The following ADGRL3 variants were observed in gnomAD, a reference collection of about 807,000 sequenced individuals.
ADGRL3 encodes calcium-independent alpha-latrotoxin receptor 3.
ADGRL3 carries 62 observed loss-of-function variants against 153.5 expected under a neutral mutation model. The observed-to-expected ratio is 0.40, with a 90% confidence interval of 0.33 to 0.50. The LOEUF is 0.50. ADGRL3 is among the 20% of genes least tolerant of loss of function. ADGRL3 has a pLI of 0.47. For synonymous variants in ADGRL3, 710 were observed against 672.5 expected (o/e 1.06, Z -0.86); for missense variants, 1,641 against 1,859.4 (o/e 0.88, Z 2.16).
At chr4:62,040,317 A>G (rs1055020533) in intron 24 of ADGRL3, among the ~76,000 whole-genome samples, 12 of 151,956 alleles carry the variant, frequency 7.9e-5, no homozygotes, top group Non-Finnish European at 1.6e-4. Flanking sequence ...GTAATTTGTA[A>G]TATCACAATT....
At chr4:61,826,777 G>T (rs1322030203) in intron 9 of ADGRL3, among the ~76,000 whole-genome samples, 2 of 151,892 alleles carry the variant, frequency 1.3e-5, no homozygotes, top group Admixed American at 6.6e-5. Flanking sequence ...CAGGGTTGGG[G>T]GAGAGGGGAG....
intron 2 of ADGRL3, among the ~76,000 whole-genome samples, chr4:61,406,616 C>T (rs7688582): frequency 0.031 from 4,692 of 151,286 alleles, 225 homozygotes; most frequent in East Asian, 0.21. Context: ...AACTTTTTTC[C>T]TTTTATTTAT....
intron 3 of ADGRL3, among the ~76,000 whole-genome samples, chr4:61,515,437 T>TG (rs2098487283): frequency 3.2e-5 from 2 of 62,402 alleles, no homozygotes; most frequent in South Asian, 1.4e-3. Context: ...ATTTATATGG[T>TG]ATTTTTTCTC....
At chr4:62,031,386 G>A in intron 22 of ADGRL3, 56 bp from the exon 23 acceptor site, 1 of 1,400,612 alleles carries the variant, frequency 7.1e-7, no homozygotes, top group South Asian at 1.4e-5. Flanking sequence ...ATCTGATATG[G>A]TTGTTAATTA....
chr4:62,053,243 G>A (rs1735154129), intron 25 of ADGRL3, among the ~76,000 whole-genome samples: 1 of 151,414 alleles, frequency 6.6e-6, no homozygotes, highest in South Asian at 2.1e-4. Flanking sequence ...TATATGTTTA[G>A]CAAAGAGAAA....
At chr4:61,825,099 A>C (rs1039132309) in intron 9 of ADGRL3, among the ~76,000 whole-genome samples, 2 of 152,132 alleles carry the variant, frequency 1.3e-5, no homozygotes, top group African/African-American at 4.8e-5. Context: ...TCCAGCAATT[A>C]TTTCCATTTT....
chr4:61,798,999 G>GTA (rs34782885), intron 8 of ADGRL3, among the ~76,000 whole-genome samples: 7,758 of 80,064 alleles, frequency 0.097, 674 homozygotes, highest in Non-Finnish European at 0.13. Flanking sequence ...TATATAAACA[G>GTA]TATATATATA....
At chr4:61,950,161 T>C (rs1392818688) in intron 17 of ADGRL3, among the ~76,000 whole-genome samples, 3 of 152,198 alleles carry the variant, frequency 2.0e-5, no homozygotes, top group African/African-American at 7.2e-5. Flanking sequence ...TTTTTAACCA[T>C]ACTGTTCAGT....
In ADGRL3 at chr4:61,819,864, C is replaced by A. The variant is rs563471356; in HGVS notation, c.1480+5975C>A. Among the ~76,000 whole-genome samples, 145 of 152,122 alleles carry A rather than the reference C, an allele frequency of 9.5e-4. 1 individual carries two copies. The highest frequency in any genetic ancestry group is 3.4e-4 in the Non-Finnish European group (23 of 67,938). ...GAGACAATAAAGTAATTATTGGTAA[C>A]TTTGAAACTGAGTTTTAAAACTCTA... On this transcript the variant is annotated intron_variant, in intron 9 of 26. Coordinates refer to ENST00000683033, the MANE Select transcript of ADGRL3 (RefSeq NM_001387552.1).
chr4:61,675,764 T>G (rs559679259), intron 5 of ADGRL3, among the ~76,000 whole-genome samples: 1 of 151,992 alleles, frequency 6.6e-6, no homozygotes, highest in Non-Finnish European at 1.5e-5. Context: ...TCAGGGTAAA[T>G]GGGATATTCA....
At chr4:61,393,481 AT>A (rs1020090515) in intron 2 of ADGRL3, among the ~76,000 whole-genome samples, 57 of 152,080 alleles carry the variant, frequency 3.7e-4, no homozygotes, top group African/African-American at 1.3e-3. Flanking sequence ...TCATTTCCTC[AT>A]TTTTTTAGTA....
At chr4:61,707,785 C>T (rs917097829) in intron 6 of ADGRL3, among the ~76,000 whole-genome samples, 1 of 152,092 alleles carries the variant, frequency 6.6e-6, no homozygotes, top group Non-Finnish European at 1.5e-5. Context: ...CATGCTTCCA[C>T]GATATGTAAG....
intron 5 of ADGRL3, among the ~76,000 whole-genome samples, chr4:61,606,454 C>CA (rs2099032784): frequency 6.6e-6 from 1 of 152,146 alleles, no homozygotes; most frequent in Non-Finnish European, 1.5e-5. Flanking sequence ...AAGGTATTGT[C>CA]AAGGCCTTTC....
chr4:61,260,617 A>G (rs966537425), intron 1 of ADGRL3, among the ~76,000 whole-genome samples: 3 of 152,262 alleles, frequency 2.0e-5, no homozygotes, highest in Admixed American at 6.5e-5. Context: ...AGCAGAATGC[A>G]TGGCATAGAA....
chr4:61,956,673 TTA>T (rs1387580537), intron 17 of ADGRL3, among the ~76,000 whole-genome samples: 2 of 152,184 alleles, frequency 1.3e-5, no homozygotes, highest in Non-Finnish European at 2.9e-5. Context: ...GTTTTGGGTT[TTA>T]TGTTTAAGTC....
At chr4:61,840,516 A>G (rs2098013917) in intron 9 of ADGRL3, among the ~76,000 whole-genome samples, 1 of 152,194 alleles carries the variant, frequency 6.6e-6, no homozygotes, top group African/African-American at 2.4e-5. Context: ...TAAGCCTGAG[A>G]GCATCTCCTT....
intron 8 of ADGRL3, among the ~76,000 whole-genome samples, chr4:61,808,920 G>A (rs13121462): frequency 1.1e-4 from 16 of 151,704 alleles, no homozygotes; most frequent in Admixed American, 4.6e-4. Context: ...TATTATTGTA[G>A]TAGAGCAGAG....
intron 17 of ADGRL3, among the ~76,000 whole-genome samples, chr4:61,951,388 G>C (rs904483726): frequency 1.1e-4 from 16 of 152,114 alleles, no homozygotes; most frequent in Non-Finnish European, 1.9e-4. Context: ...GGAGGCTCAG[G>C]GTTGGGGGCT....
At chr4:61,806,332 T>A in intron 8 of ADGRL3, among the ~76,000 whole-genome samples, 1 of 152,028 alleles carries the variant, frequency 6.6e-6, no homozygotes, top group East Asian at 1.9e-4. Context: ...AATTCTAGAA[T>A]AATTAGTGGG....
Sources: allele counts gnomAD v4.1 joint callset (sites outside exome capture counted in the v4.1 genomes callset), GRCh38; gene constraint gnomAD v4.1.1; transcripts MANE v1.5; gene names NCBI Gene and HGNC (gene_info 2026-07-23, HGNC 2026-07-21).